Variants in DEPDC1B observed in about 807,000 individuals in gnomAD.
DEPDC1B encodes the protein DEP domain containing 1B.
DEPDC1B carries 51 observed loss-of-function variants against 66.5 expected under a neutral mutation model. The ratio of observed to expected loss-of-function variants is 0.77; its 90% CI spans 0.61 to 0.97. DEPDC1B has a LOEUF of 0.97. Among genes scored for constraint, DEPDC1B ranks in the 50% least tolerant of loss-of-function variants. The pLI, the probability that DEPDC1B is intolerant of heterozygous loss-of-function variation, is 0.00. For missense variants in DEPDC1B, 552 were observed against 637.1 expected (o/e 0.87, Z 1.44); for synonymous variants, 226 against 223.6 (o/e 1.01, Z -0.10).
chr5:60,689,708 T>C (rs748364963), intron 1 of DEPDC1B, among the ~76,000 whole-genome samples: 9 of 152,142 alleles, frequency 5.9e-5, no homozygotes, highest in Non-Finnish European at 1.3e-4. Flanking sequence ...ACTTTACTTT[T>C]AGGGATTCAC....
Position 60,655,417 on chromosome 5 carries a change from G to C in DEPDC1B, c.315-7884C>G, listed in dbSNP as rs903503309. On this transcript the variant is annotated intron_variant, in intron 2 of 10. Transcript: ENST00000265036. Reference sequence around the variant, plus strand: ...AGGTTTTCTAGTTTGTGCACATTAAGGTGTTCCTAGTAGCCTTTAATGATC... The same window carrying C: ...AGGTTTTCTAGTTTGTGCACATTAACGTGTTCCTAGTAGCCTTTAATGATC... Among the ~76,000 whole-genome samples the C allele has an allele frequency of 1.3e-5, 2 of 148,910 alleles. 1 individual carries two copies. The highest frequency in any genetic ancestry group is 4.1e-4 in the East Asian group (2 of 4,856).
At chr5:60,637,857 A>G (rs1041825483) in intron 7 of DEPDC1B, among the ~76,000 whole-genome samples, 1 of 152,256 alleles carries the variant, frequency 6.6e-6, no homozygotes, top group Non-Finnish European at 1.5e-5. Flanking sequence ...CATGAGATCA[A>G]GTAACTTATT....
rs571860501 is a variant in DEPDC1B at position 60,656,137 on chromosome 5, T to C, written c.315-8604A>G. 1.0e-3 allele frequency among the ~76,000 whole-genome samples: 154 copies of C among 151,338 alleles called. 1 individual carries two copies. The highest frequency in any genetic ancestry group is 3.6e-3 in the African/African-American group (147 of 40,934). ...TGTAAATATCTCTTAAGTCCATTTG[T>C]CCTAAGGTATAGTTTAAGTCCATTT... is the stretch of plus-strand genomic sequence containing the variant. On this transcript the variant is annotated intron_variant, in intron 2 of 10. Coordinates refer to ENST00000265036, the MANE Select transcript of DEPDC1B (RefSeq NM_018369.3).
chr5:60,609,847 G>A (rs1461985270), intron 7 of DEPDC1B, among the ~76,000 whole-genome samples: 1 of 152,116 alleles, frequency 6.6e-6, no homozygotes, highest in Non-Finnish European at 1.5e-5. Context: ...TAATTTATGA[G>A]ATAAAATTGA....
chr5:60,622,749 A>G (rs2441051), intron 7 of DEPDC1B, among the ~76,000 whole-genome samples: 11,017 of 152,204 alleles, frequency 0.072, 942 homozygotes, highest in African/African-American at 0.21. Flanking sequence ...GTAGTATCTC[A>G]TTGTGGTTTT....
At chr5:60,673,935 G>A (rs1196962478) in intron 2 of DEPDC1B, among the ~76,000 whole-genome samples, 1 of 151,964 alleles carries the variant, frequency 6.6e-6, no homozygotes, top group African/African-American at 2.4e-5. Context: ...ACTCATTTAT[G>A]CCTCCTGTTC....
intron 1 of DEPDC1B, among the ~76,000 whole-genome samples, chr5:60,690,412 A>T (rs1754514924): frequency 6.6e-6 from 1 of 152,228 alleles, no homozygotes; most frequent in African/African-American, 2.4e-5. Flanking sequence ...GCATATGAAA[A>T]GCTAAATGAA....
chr5:60,645,829 T>C (rs971836554), intron 3 of DEPDC1B, among the ~76,000 whole-genome samples: 1 of 152,218 alleles, frequency 6.6e-6, no homozygotes, highest in Non-Finnish European at 1.5e-5. Flanking sequence ...GACTAGGTCA[T>C]GTTATAAATG....
intron 7 of DEPDC1B, among the ~76,000 whole-genome samples, chr5:60,635,046 C>A (rs542271784): frequency 4.4e-4 from 61 of 138,850 alleles, no homozygotes; most frequent in African/African-American, 1.5e-3. Context: ...GCAACAAGAG[C>A]GAAACTCCAT....
intron 7 of DEPDC1B, among the ~76,000 whole-genome samples, chr5:60,616,825 C>A (rs533867659): frequency 5.3e-5 from 8 of 151,886 alleles, no homozygotes; most frequent in Admixed American, 3.3e-4. Flanking sequence ...AACTCCAAGA[C>A]ACATAATTGT....
chr5:60,597,952 C>G, intron 10 of DEPDC1B, 38 bp from the exon 11 acceptor site: 2 of 1,507,088 alleles, frequency 1.3e-6, no homozygotes, highest in Non-Finnish European at 1.8e-6. Flanking sequence ...TAAAAAAAGA[C>G]ACATAAAAGC....
At position 60,687,221 on chromosome 5, in the gene DEPDC1B, C is replaced by T; in HGVS notation, c.55G>A (p.Glu19Lys). 1 of 1,607,866 alleles carries T rather than the reference C, an allele frequency of 6.2e-7. No homozygotes were observed. Among genetic ancestry groups the T allele is most frequent in the Non-Finnish European group, 8.5e-7 (1 of 1,174,648 alleles). ...TTAGCACGAAAAAGCTCCACGGTCT[C>T]ATTCCACTAGGGGAAAGAAAGAGAA... ...GPYRATRLWN[E>K]TVELFRAKMP... Residue 19 changes from glutamate (E) to lysine (K), a missense_variant, in exon 2 of 11, where the codon GAG becomes AAG. Glu to Lys is a moderately conservative substitution (Grantham distance 56). Coordinates refer to ENST00000265036, the MANE Select transcript of DEPDC1B (RefSeq NM_018369.3).
intron 1 of DEPDC1B, among the ~76,000 whole-genome samples, chr5:60,695,454 T>C (rs1754633107): frequency 6.6e-6 from 1 of 152,208 alleles, no homozygotes; most frequent in African/African-American, 2.4e-5. Context: ...TCACTCATTG[T>C]CATGAGGACA....
chr5:60,672,448 GAGAA>G lies in DEPDC1B; in HGVS notation c.314+14510_314+14513del, dbSNP rs539331685. Among the ~76,000 whole-genome samples, 30 of 152,302 alleles carry G rather than the reference GAGAA, an allele frequency of 2.0e-4. No homozygotes were observed. In the South Asian group the frequency reaches 5.4e-3, roughly 27 times the overall value. ...GCACCTTCTTCACAAGGTGGCAGGA[GAGAA>G]AGAAAGAGCGCAAAGGGGAAAGTGC... is the stretch of plus-strand genomic sequence containing the variant. On this transcript the variant is annotated intron_variant, in intron 2 of 10. Coordinates refer to ENST00000265036, the MANE Select transcript of DEPDC1B (RefSeq NM_018369.3).
chr5:60,680,292 G>A (rs1424324565), intron 2 of DEPDC1B, among the ~76,000 whole-genome samples: 1 of 152,082 alleles, frequency 6.6e-6, no homozygotes, highest in Non-Finnish European at 1.5e-5. Context: ...GTATAGTGCT[G>A]AGTACATCTC....
Position 60,667,835 on chromosome 5 carries a change from G to GGATATTTTATATATA in DEPDC1B, c.314+19126_314+19127insTATATATAAAATATC, listed in dbSNP as rs1561384224. Reference sequence around the variant, plus strand: ...TAAAAAATGGATATTTTACATATATGTAAAAAATGGATATTTTACATATAT... The same window carrying GGATATTTTATATATA: ...TAAAAAATGGATATTTTACATATATGGATATTTTATATATATAAAAAATGGATATTTTACATATAT... On this transcript the variant is annotated intron_variant, in intron 2 of 10. Coordinates refer to ENST00000265036, the MANE Select transcript of DEPDC1B (RefSeq NM_018369.3). Among the ~76,000 whole-genome samples the GGATATTTTATATATA allele has an allele frequency of 1.8e-3, 82 of 45,468 alleles. 2 individuals are homozygous for GGATATTTTATATATA. The highest frequency in any genetic ancestry group is 2.5e-3 in the East Asian group (3 of 1,206). 29.8% of individuals were successfully genotyped at this position (45,468 alleles called of 152,430 possible).
rs2061253 is a variant in DEPDC1B, at chr5:60,643,943, A to G, written c.709+802T>C. On this transcript the variant is annotated intron_variant, in intron 5 of 10. Coordinates refer to ENST00000265036, the MANE Select transcript of DEPDC1B (RefSeq NM_018369.3). ...ACCACTGCTCAGGCTATTCTGCTACATTCTGTCTGCTTCCCAGGAGCCTCC... is the reference window on the plus strand; with the variant it reads ...ACCACTGCTCAGGCTATTCTGCTACGTTCTGTCTGCTTCCCAGGAGCCTCC... Among the ~76,000 whole-genome samples, 254 of 152,314 alleles carry G rather than the reference A, an allele frequency of 1.7e-3. 4 individuals carry two copies. In the East Asian group the frequency reaches 0.043, roughly 26 times the overall value.
At chr5:60,604,330 C>G (rs1752268817) in intron 8 of DEPDC1B, among the ~76,000 whole-genome samples, 1 of 145,388 alleles carries the variant, frequency 6.9e-6, no homozygotes, top group African/African-American at 2.5e-5. Context: ...AAGCAATTCT[C>G]CTGCCCCAGC....
chr5:60,650,957 C>A (rs1464877635), intron 2 of DEPDC1B, among the ~76,000 whole-genome samples: 3 of 152,166 alleles, frequency 2.0e-5, no homozygotes, highest in African/African-American at 7.2e-5. Flanking sequence ...AACTCTCACT[C>A]TTGTATAACT....
Sources: allele counts gnomAD v4.1 joint callset (sites outside exome capture counted in the v4.1 genomes callset), GRCh38; gene constraint gnomAD v4.1.1; transcripts MANE v1.5; gene names NCBI Gene and HGNC (gene_info 2026-07-23, HGNC 2026-07-21).